MNAT1: variants seen among roughly 807,000 people sequenced by gnomAD.
MNAT1 encodes the protein MNAT1 component of CDK activating kinase.
MNAT1 carries 43 observed loss-of-function variants against 42.0 expected under a neutral mutation model. That is an observed-to-expected ratio of 1.02 (90% CI 0.80 to 1.32). The LOEUF (loss-of-function observed/expected upper bound fraction) is 1.32. MNAT1 is among the 40% of genes most tolerant of loss of function. MNAT1 has a pLI of 0.00. For synonymous variants in MNAT1, 118 were observed against 120.0 expected, an observed-to-expected ratio of 0.98 and a Z score of 0.11; for missense variants, 306 against 350.4, an observed-to-expected ratio of 0.87 and a Z score of 1.01.
intron 1 of MNAT1, among the ~76,000 whole-genome samples, chr14:60,774,125 C>T (rs4151175): frequency 6.6e-6 from 1 of 152,150 alleles, no homozygotes; most frequent in African/African-American, 2.4e-5. Flanking sequence ...TTTTAAAAGA[C>T]AGATCAATTT....
At chr14:60,871,201 T>A (rs2034317068) in intron 6 of MNAT1, among the ~76,000 whole-genome samples, 1 of 152,220 alleles carries the variant, frequency 6.6e-6, no homozygotes, top group Non-Finnish European at 1.5e-5. Flanking sequence ...TGGTGGACAT[T>A]TAGATTGTTT....
intron 7 of MNAT1, among the ~76,000 whole-genome samples, chr14:60,959,427 C>G (rs768039162): frequency 5.3e-5 from 8 of 152,186 alleles, no homozygotes. Context: ...CTTCAGCAAT[C>G]TGGGTGGGGT....
chr14:60,873,266 C>T (rs2034367649), intron 6 of MNAT1, among the ~76,000 whole-genome samples: 1 of 151,730 alleles, frequency 6.6e-6, no homozygotes, highest in Admixed American at 6.6e-5. Flanking sequence ...AGAAACCAGG[C>T]CACTTGTCTT....
chr14:60,901,012 T>TC (rs2035061459), intron 7 of MNAT1, among the ~76,000 whole-genome samples: 1 of 32,536 alleles, frequency 3.1e-5, no homozygotes, highest in East Asian at 1.1e-3. Context: ...AGAGCCTGTC[T>TC]CAAAAAAAAA....
Position 60,760,191 on chromosome 14 carries a change from C to T in MNAT1, c.89+25240C>T, listed in dbSNP as rs546442548. Among the ~76,000 whole-genome samples, 13 of 151,934 alleles carry T rather than the reference C, an allele frequency of 8.6e-5. 1 individual carries two copies. The South Asian group carries it at 2.7e-3, about 32-fold the overall frequency. On this transcript the variant is annotated intron_variant, in intron 1 of 7. Transcript: ENST00000261245. ...GAAATGGAATCATACTATACCTTTA[C>T]CTTTTTTTTTCAGTTAGTGGTAGAT...
chr14:60,938,275 T>C (rs981669695), intron 7 of MNAT1, among the ~76,000 whole-genome samples: 5 of 151,866 alleles, frequency 3.3e-5, no homozygotes, highest in Admixed American at 2.0e-4. Context: ...TGAATAGGAG[T>C]GGTGAGAGAG....
intron 7 of MNAT1, among the ~76,000 whole-genome samples, chr14:60,966,695 G>A (rs1157261446): frequency 6.6e-6 from 1 of 152,064 alleles, no homozygotes; most frequent in Non-Finnish European, 1.5e-5. Flanking sequence ...TGTATTTTTA[G>A]TAGAGATGGG....
intron 7 of MNAT1, among the ~76,000 whole-genome samples, chr14:60,892,472 T>A (rs2034866873): frequency 1.3e-5 from 2 of 152,172 alleles, no homozygotes; most frequent in African/African-American, 4.8e-5. Context: ...TTAACCTATT[T>A]GTGATTTTGA....
intron 7 of MNAT1, among the ~76,000 whole-genome samples, chr14:60,899,874 A>G (rs1456296307): frequency 6.6e-6 from 1 of 152,138 alleles, no homozygotes; most frequent in Non-Finnish European, 1.5e-5. Flanking sequence ...CATTTGGTTA[A>G]TTCTTACACT....
intron 7 of MNAT1, among the ~76,000 whole-genome samples, chr14:60,887,651 A>G (rs891376994): frequency 6.6e-6 from 1 of 151,956 alleles, no homozygotes; most frequent in Non-Finnish European, 1.5e-5. Context: ...AAATTAATGT[A>G]TCCAGGAGCT....
chr14:60,798,393 A>T (rs2032089649), intron 3 of MNAT1, among the ~76,000 whole-genome samples: 1 of 152,214 alleles, frequency 6.6e-6, no homozygotes, highest in African/African-American at 2.4e-5. Context: ...TAGAGATAGT[A>T]ACACTTCATA....
intron 6 of MNAT1, among the ~76,000 whole-genome samples, chr14:60,824,278 C>T (rs566232580): frequency 6.6e-6 from 1 of 151,990 alleles, no homozygotes. Context: ...TTTTTCTCCC[C>T]AACTGCCCAT....
intron 1 of MNAT1, among the ~76,000 whole-genome samples, chr14:60,745,822 C>T (rs1896596652): frequency 6.6e-6 from 1 of 152,104 alleles, no homozygotes; most frequent in Admixed American, 6.5e-5. Flanking sequence ...TTTTTACTAC[C>T]TCAGCTCCTT....
At chr14:60,939,143 C>T (rs1476969944) in intron 7 of MNAT1, among the ~76,000 whole-genome samples, 1 of 152,062 alleles carries the variant, frequency 6.6e-6, no homozygotes, top group Non-Finnish European at 1.5e-5. Context: ...ATTAGTCTTG[C>T]TAGCGGTCTA....
chr14:60,777,097 G>C (rs1386141058), intron 1 of MNAT1, among the ~76,000 whole-genome samples: 1 of 152,090 alleles, frequency 6.6e-6, no homozygotes, highest in East Asian at 1.9e-4. Flanking sequence ...CAATCCACCT[G>C]CCTCAGCCTC....
chr14:60,819,697 A>G (rs889083554), intron 6 of MNAT1, among the ~76,000 whole-genome samples: 2 of 152,188 alleles, frequency 1.3e-5, no homozygotes, highest in South Asian at 2.1e-4. Context: ...TGGCAGCACT[A>G]CAAAGTCATG....
intron 5 of MNAT1, among the ~76,000 whole-genome samples, chr14:60,818,449 G>A (rs935837886): frequency 6.6e-6 from 1 of 151,634 alleles, no homozygotes; most frequent in South Asian, 2.1e-4. Context: ...TATTTTTTTC[G>A]TTTTAATAAA....
At position 60,930,248 on chromosome 14, in the gene MNAT1, T is replaced by A. The variant is rs1026091693; in HGVS notation, c.810-37981T>A. On this transcript the variant is annotated intron_variant, in intron 7 of 7. Transcript: ENST00000261245. ...TATTATTATTATTATTATTATTATT[T>A]GAGTCTATTTCCTTCTCTAGATAAG... is the stretch of plus-strand genomic sequence containing the variant. 7.2e-5 allele frequency among the ~76,000 whole-genome samples: 5 copies of A among 69,462 alleles called. No individual in the cohort carries two copies. The South Asian group carries it at 1.6e-3, about 23-fold the overall frequency. 45.6% of individuals were successfully genotyped at this position (69,462 alleles called of 152,430 possible). A position where few individuals can be genotyped will look rare whatever the true frequency, so the allele number is the denominator to read the frequency against.
intron 7 of MNAT1, among the ~76,000 whole-genome samples, chr14:60,916,462 C>T (rs1266626005): frequency 1.3e-5 from 2 of 152,126 alleles, no homozygotes; most frequent in African/African-American, 4.8e-5. Context: ...TAAGACCAGT[C>T]TGGGCAACAT....
Sources: gnomAD v4.1 joint callset for allele counts (sites outside exome capture counted in the v4.1 genomes callset) on GRCh38, gnomAD v4.1.1 for gene constraint, MANE v1.5 for transcripts, NCBI Gene and HGNC (gene_info 2026-07-23, HGNC 2026-07-21) for gene names.